Variants in UBE3D observed in about 807,000 individuals in gnomAD.
UBE3D encodes E3 ubiquitin-protein ligase E3D.
UBE3D carries 48 observed loss-of-function variants against 49.6 expected under a neutral mutation model. That is an observed-to-expected ratio of 0.97 (90% CI 0.77 to 1.23). UBE3D has a LOEUF of 1.23. Ranked by LOEUF, UBE3D falls within the 50% of genes most tolerant of loss-of-function variation. The pLI is 0.00. For missense variants in UBE3D, 452 were observed against 468.4 expected (o/e 0.96, Z 0.32); for synonymous variants, 189 against 174.2 (o/e 1.08, Z -0.67).
intron 9 of UBE3D, among the ~76,000 whole-genome samples, chr6:82,934,772 G>A (rs1258001932): frequency 2.0e-5 from 3 of 150,188 alleles, no homozygotes. Flanking sequence ...TTTTTAAAAT[G>A]TGATACCTTG....
At chr6:82,898,548 A>G (rs917945662) in intron 9 of UBE3D, among the ~76,000 whole-genome samples, 2 of 152,270 alleles carry the variant, frequency 1.3e-5, no homozygotes, top group South Asian at 4.1e-4. Flanking sequence ...GAAGCTGGAA[A>G]TCATTATTCT....
chr6:82,916,907 T>G (rs1459860326), intron 9 of UBE3D, among the ~76,000 whole-genome samples: 1 of 152,162 alleles, frequency 6.6e-6, no homozygotes, highest in Non-Finnish European at 1.5e-5. Flanking sequence ...TCTACCCAGC[T>G]TCCTGCCCTA....
Position 82,957,414 on chromosome 6 carries a change from G to T in UBE3D, c.1047C>A (p.His349Gln), listed in dbSNP as rs145788762. 4.9e-5 allele frequency: 79 copies of T among 1,614,050 alleles called. No homozygotes were observed. The African/African-American group carries it at 6.1e-4, about 13-fold the overall frequency. Reference protein sequence around the residue: ...VSLWESDISVHPLTLPSATCL... With the variant: ...VSLWESDISVQPLTLPSATCL... ...AGGTTGCAGAGGGCAGGGTTAGCGGGTGGACGCTGATGTCACTTTCCCACA... is the reference window on the plus strand; with the variant it reads ...AGGTTGCAGAGGGCAGGGTTAGCGGTTGGACGCTGATGTCACTTTCCCACA... The change falls in exon 9 of 10, where the codon CAC becomes CAA. Residue 349 changes from histidine to glutamine, a missense_variant. Transcript: ENST00000369747.
At chr6:83,006,910 G>T (rs1034038649) in intron 8 of UBE3D, among the ~76,000 whole-genome samples, 1 of 151,976 alleles carries the variant, frequency 6.6e-6, no homozygotes, top group Non-Finnish European at 1.5e-5. Context: ...TTTGTGTTAT[G>T]TGTTTTTAAA....
chr6:82,892,344 G>T (rs1327502686), downstream of UBE3D: 2 of 153,892 alleles, frequency 1.3e-5, no homozygotes, highest in Non-Finnish European at 2.9e-5. Context: ...TCACTGAAAG[G>T]TTTCCTCACC....
At chr6:82,882,951 C>A in the UBE3D span, among the ~76,000 whole-genome samples, 6 of 152,278 alleles carry the variant, frequency 3.9e-5, no homozygotes, top group Admixed American at 3.3e-4. Context: ...CAATAAATTT[C>A]TGTGTCTGTC....
At chr6:82,960,538 T>A (rs1342149931) in intron 8 of UBE3D, among the ~76,000 whole-genome samples, 1 of 151,680 alleles carries the variant, frequency 6.6e-6, no homozygotes, top group African/African-American at 2.4e-5. Flanking sequence ...GTTTCCTTTA[T>A]AAGAACTTGC....
intron 5 of UBE3D, among the ~76,000 whole-genome samples, chr6:83,031,411 T>C (rs1471792180): frequency 6.6e-6 from 1 of 152,188 alleles, no homozygotes; most frequent in Non-Finnish European, 1.5e-5. Flanking sequence ...AAAAACCCAT[T>C]TTCTGGGGGG....
intron 9 of UBE3D, among the ~76,000 whole-genome samples, chr6:82,951,348 T>C (rs1246465733): frequency 6.6e-6 from 1 of 152,226 alleles, no homozygotes; most frequent in Non-Finnish European, 1.5e-5. Flanking sequence ...AACCTGGGGC[T>C]ATGTCCTTAA....
At chr6:82,918,103 C>T (rs1773054639) in intron 9 of UBE3D, among the ~76,000 whole-genome samples, 1 of 152,004 alleles carries the variant, frequency 6.6e-6, no homozygotes, top group African/African-American at 2.4e-5. Flanking sequence ...ACCAAGGACT[C>T]ATGTACTTTC....
chr6:82,899,356 C>T (rs750064646), intron 9 of UBE3D, among the ~76,000 whole-genome samples: 17 of 152,160 alleles, frequency 1.1e-4, no homozygotes, highest in Non-Finnish European at 2.4e-4. Flanking sequence ...CAACCCTGAA[C>T]TTTCTGCACA....
intron 8 of UBE3D, among the ~76,000 whole-genome samples, chr6:82,999,783 C>A (rs1466044949): frequency 6.6e-6 from 1 of 152,176 alleles, no homozygotes; most frequent in East Asian, 1.9e-4. Context: ...CGTTCACAGC[C>A]AAACTTCCTG....
chr6:83,025,882 T>TA (rs70987730), intron 5 of UBE3D, among the ~76,000 whole-genome samples: 1,961 of 90,262 alleles, frequency 0.022, 36 homozygotes, highest in East Asian at 0.097. Flanking sequence ...GACTCCATCT[T>TA]AAAAAAAAAA....
chr6:82,935,797 C>T (rs1774525392), intron 9 of UBE3D, among the ~76,000 whole-genome samples: 1 of 152,038 alleles, frequency 6.6e-6, no homozygotes, highest in African/African-American at 2.4e-5. Context: ...GTATAGAATT[C>T]TATACTTAGC....
chr6:82,988,653 T>C (rs963085270), intron 8 of UBE3D, among the ~76,000 whole-genome samples: 1 of 152,176 alleles, frequency 6.6e-6, no homozygotes, highest in South Asian at 2.1e-4. Context: ...AGCAGAAATA[T>C]TGTATACTGC....
downstream of UBE3D, among the ~76,000 whole-genome samples, chr6:82,891,862 C>G (rs550265799): frequency 6.6e-6 from 1 of 152,252 alleles, no homozygotes; most frequent in East Asian, 1.9e-4. Context: ...CCTGTCTCTA[C>G]TAAAAATACA....
At chr6:82,943,148 C>A (rs1775138115) in intron 9 of UBE3D, among the ~76,000 whole-genome samples, 1 of 152,230 alleles carries the variant, frequency 6.6e-6, no homozygotes, top group Non-Finnish European at 1.5e-5. Context: ...GGATTTCAGA[C>A]TTACATGGGG....
At chr6:82,950,043 T>C (rs1775673358) in intron 9 of UBE3D, among the ~76,000 whole-genome samples, 1 of 152,046 alleles carries the variant, frequency 6.6e-6, no homozygotes, top group Non-Finnish European at 1.5e-5. Context: ...AGTTTCTGCA[T>C]AGCAAAGGAA....
intron 8 of UBE3D, among the ~76,000 whole-genome samples, chr6:83,013,405 C>T (rs1392683367): frequency 6.6e-6 from 1 of 152,176 alleles, no homozygotes; most frequent in Admixed American, 6.5e-5. Context: ...AACAGCATCC[C>T]TAACTGCCAA....
Sources: gnomAD v4.1 joint callset for allele counts (sites outside exome capture counted in the v4.1 genomes callset) on GRCh38, gnomAD v4.1.1 for gene constraint, MANE v1.5 for transcripts, NCBI Gene and HGNC (gene_info 2026-07-23, HGNC 2026-07-21) for gene names.